MRRF: variants seen among roughly 807,000 people sequenced by gnomAD.
MRRF encodes ribosome-recycling factor, mitochondrial.
A neutral mutation model predicts 25.1 loss-of-function variants in MRRF; 18 were observed. That is an observed-to-expected ratio of 0.72 (90% CI 0.50 to 1.06). The LOEUF is 1.06. Ranked by LOEUF, MRRF falls within the 50% of genes least tolerant of loss-of-function variation. The probability of loss-of-function intolerance (pLI) is 0.00; values close to 1 mark genes in which losing one functional copy is unlikely to be tolerated. For missense variants in MRRF, 323 were observed against 319.3 expected (o/e 1.01, Z -0.09); for synonymous variants, 113 against 112.1 (o/e 1.01, Z -0.05).
chr9:122,266,544 T>C (rs1365672160), intron 1 of MRRF, among the ~76,000 whole-genome samples: 3 of 152,238 alleles, frequency 2.0e-5, no homozygotes, highest in Non-Finnish European at 4.4e-5. Context: ...TATCACTCTT[T>C]AGTTATGAGA....
intron 4 of MRRF, 123 bp downstream of exon 4, chr9:122,285,410 A>T: frequency 3.8e-6 from 3 of 789,588 alleles, no homozygotes; most frequent in Non-Finnish European, 6.9e-6. Flanking sequence ...TAATAAAGAG[A>T]ACTTAAGGAT....
chr9:122,292,037 T>G (rs536084380), intron 5 of MRRF, among the ~76,000 whole-genome samples, 197 bp downstream of exon 5: 23 of 152,340 alleles, frequency 1.5e-4, no homozygotes, highest in South Asian at 1.2e-3. Context: ...GATGTGAGGT[T>G]TGCAGCAGTA....
At chr9:122,316,821 TAA>T (rs71508157) in intron 6 of MRRF, among the ~76,000 whole-genome samples, 4 of 138,104 alleles carry the variant, frequency 2.9e-5, no homozygotes, top group Non-Finnish European at 1.6e-5. Flanking sequence ...TCCTTTTTTC[TAA>T]AAAAAAAAAA....
At chr9:122,307,113 C>A (rs762096991) in intron 5 of MRRF, among the ~76,000 whole-genome samples, 1 of 152,132 alleles carries the variant, frequency 6.6e-6, no homozygotes, top group Non-Finnish European at 1.5e-5. Flanking sequence ...GGCTGGGCTA[C>A]ACAAACAAAA....
intron 3 of MRRF, among the ~76,000 whole-genome samples, chr9:122,283,154 C>T (rs1464271980): frequency 1.4e-5 from 2 of 147,800 alleles, no homozygotes; most frequent in Non-Finnish European, 1.5e-5. Flanking sequence ...AGTGCAATGG[C>T]GCGATCTCGG....
chr9:122,299,414 G>T (rs891227148), intron 5 of MRRF, among the ~76,000 whole-genome samples: 1 of 151,816 alleles, frequency 6.6e-6, no homozygotes, highest in South Asian at 2.1e-4. Flanking sequence ...TGCACCTGGC[G>T]GAAGAGAAGA....
At chr9:122,288,772 A>AT (rs1014975653) in intron 4 of MRRF, among the ~76,000 whole-genome samples, 2 of 152,338 alleles carry the variant, frequency 1.3e-5, no homozygotes, top group South Asian at 2.1e-4. Flanking sequence ...CAAAAGTCTT[A>AT]TTTTTTTGTT....
In MRRF at chr9:122,322,666, C is replaced by G. The variant is rs1345740944; in HGVS notation, c.*49C>G. On this transcript the variant is annotated 3_prime_UTR_variant, in exon 7 of 7. Coordinates refer to ENST00000344641, the MANE Select transcript of MRRF (RefSeq NM_138777.5). Reference sequence around the variant, plus strand: ...TCCAGAGCCCAGTTTCTGCTGGATCCCATGGGTGGCACATTGGGACTTCTC... The same window carrying G: ...TCCAGAGCCCAGTTTCTGCTGGATCGCATGGGTGGCACATTGGGACTTCTC... 6.5e-7 allele frequency: 1 copy of G among 1,548,550 alleles called. No individual in the cohort carries two copies. The highest frequency in any genetic ancestry group is 1.7e-5 in the Admixed American group (1 of 59,494).
intron 6 of MRRF, among the ~76,000 whole-genome samples, chr9:122,317,853 A>G (rs1835632770): frequency 6.6e-6 from 1 of 152,152 alleles, no homozygotes; most frequent in South Asian, 2.1e-4. Flanking sequence ...GAATGAAATG[A>G]TAGGCTGGGC....
At chr9:122,313,475 T>A in intron 6 of MRRF, 89 bp downstream of exon 6, 1 of 1,362,574 alleles carries the variant, frequency 7.3e-7, no homozygotes, top group East Asian at 2.3e-5. Context: ...TAAAACAGAA[T>A]ACCTCTGATC....
chr9:122,282,037 C>T (rs879294205), intron 3 of MRRF, among the ~76,000 whole-genome samples: 1 of 152,172 alleles, frequency 6.6e-6, no homozygotes, highest in African/African-American at 2.4e-5. Context: ...TTCAAAAGGC[C>T]TCCTGTTGGT....
intron 1 of MRRF, among the ~76,000 whole-genome samples, chr9:122,266,797 TA>T (rs1461719433): frequency 6.6e-6 from 1 of 152,138 alleles, no homozygotes; most frequent in Non-Finnish European, 1.5e-5. Flanking sequence ...TCAAGTAGTT[TA>T]AAAAAATATT....
chr9:122,316,648 T>C (rs1016870240), intron 6 of MRRF, among the ~76,000 whole-genome samples: 1 of 152,112 alleles, frequency 6.6e-6, no homozygotes. Context: ...TTTAAAGATA[T>C]AAAACAAGGT....
intron 5 of MRRF, among the ~76,000 whole-genome samples, chr9:122,307,711 A>G (rs1409848493): frequency 6.6e-6 from 1 of 152,208 alleles, no homozygotes; most frequent in Non-Finnish European, 1.5e-5. Flanking sequence ...GGAGAGGCTG[A>G]ATAGCATACT....
intron 6 of MRRF, 96 bp downstream of exon 6, chr9:122,313,482 G>C: frequency 7.6e-7 from 1 of 1,321,480 alleles, no homozygotes; most frequent in Non-Finnish European, 1.1e-6. Flanking sequence ...GAATACCTCT[G>C]ATCTTTCATT....
Position 122,271,005 on chromosome 9 carries a change from A to C in MRRF, c.114A>C (p.Gln38His). ...CACTGAAGACAGTGCATGAAAGACA[A>C]CATGGCCATAGGCAATACATGGCCT... Reference protein sequence around the residue: ...EVTLKTVHERQHGHRQYMAYS... With the variant: ...EVTLKTVHERHHGHRQYMAYS... The change falls in exon 2 of 7, where the codon CAA becomes CAC. Residue 38 changes from glutamine (Q) to histidine (H), a missense_variant. By Grantham distance (24) the Gln-to-His change is conservative. Coordinates refer to ENST00000344641, the MANE Select transcript of MRRF (RefSeq NM_138777.5). 1 of 1,614,192 alleles carries C rather than the reference A, an allele frequency of 6.2e-7. No homozygotes were observed. Among genetic ancestry groups the C allele is most frequent in the Non-Finnish European group, 8.5e-7 (1 of 1,180,032 alleles).
intron 2 of MRRF, among the ~76,000 whole-genome samples, chr9:122,277,628 G>A (rs917493522): frequency 1.3e-5 from 2 of 152,068 alleles, no homozygotes; most frequent in African/African-American, 2.4e-5. Context: ...TCGGCTCACC[G>A]CAACCTCCGC....
Position 122,301,578 on chromosome 9 carries a change from G to A in MRRF, c.551+9738G>A, listed in dbSNP as rs566984331. On this transcript the variant is annotated intron_variant, in intron 5 of 6. Coordinates refer to ENST00000344641, the MANE Select transcript of MRRF (RefSeq NM_138777.5). The stretch of plus-strand genomic sequence containing the variant: ...AAGGATAGAGGGGAGAAGAGAACAG[G>A]AGTAGACAGGGATAACCTTCGGACA... 5.9e-5 allele frequency among the ~76,000 whole-genome samples: 9 copies of A among 152,312 alleles called. No individual in the cohort carries two copies. In the East Asian group the frequency reaches 1.5e-3, roughly 26 times the overall value.
chr9:122,314,728 T>C (rs1045263273), intron 6 of MRRF, among the ~76,000 whole-genome samples: 4 of 152,024 alleles, frequency 2.6e-5, no homozygotes, highest in African/African-American at 9.7e-5. Flanking sequence ...GAAAACAGAT[T>C]GTAGGGGGCA....
Sources: allele counts gnomAD v4.1 joint callset (sites outside exome capture counted in the v4.1 genomes callset), GRCh38; gene constraint gnomAD v4.1.1; transcripts MANE v1.5; gene names NCBI Gene and HGNC (gene_info 2026-07-23, HGNC 2026-07-21).